CEP112: variants seen among roughly 807,000 people sequenced by gnomAD.
CEP112 encodes centrosomal protein 112.
Under a neutral mutation model 153.0 loss-of-function variants are expected in CEP112, and 127 were observed. That is an observed-to-expected ratio of 0.83 (90% CI 0.72 to 0.96). The LOEUF (loss-of-function observed/expected upper bound fraction) is 0.96, where lower values mean the gene tolerates loss of function less well. Ranked by LOEUF, CEP112 falls within the 40% of genes least tolerant of loss-of-function variation. The pLI is 0.00. For missense variants in CEP112, 1,089 were observed against 1,101.2 expected, an observed-to-expected ratio of 0.99 and a Z score of 0.16; for synonymous variants, 358 against 374.4, an observed-to-expected ratio of 0.96 and a Z score of 0.51.
chr17:65,655,809 A>G (rs2046036521), intron 24 of CEP112, among the ~76,000 whole-genome samples: 1 of 152,344 alleles, frequency 6.6e-6, no homozygotes, highest in South Asian at 2.1e-4. Flanking sequence ...ACATGTGAAT[A>G]TTAAAATTTT....
At position 65,689,159 on chromosome 17, in the gene CEP112, T is replaced by C. The variant is rs767631044; in HGVS notation, c.2667A>G (p.Leu889=). 1.2e-6 allele frequency: 2 copies of C among 1,613,422 alleles called. No homozygotes were observed. The highest frequency in any genetic ancestry group is 1.7e-6 in the Non-Finnish European group (2 of 1,179,344). The change falls in exon 24 of 27, where the codon TTA becomes TTG. Residue 889 remains leucine (L), a synonymous_variant. Transcript: ENST00000535342. The part of the protein sequence containing the change: ...SNQVRCAEKK[L]QHKELESQEQ... Reference sequence around the variant, plus strand: ...CCTGTGACTCCAATTCTTTGTGTTGTAATTTTTTCTCTGCACATCGCACCT... The same window carrying C: ...CCTGTGACTCCAATTCTTTGTGTTGCAATTTTTTCTCTGCACATCGCACCT...
intron 21 of CEP112, among the ~76,000 whole-genome samples, chr17:65,838,565 TAAAC>T (rs1220550179): frequency 2.0e-5 from 3 of 152,016 alleles, no homozygotes; most frequent in Middle Eastern, 3.4e-3. Flanking sequence ...AGCCATCAAA[TAAAC>T]AATCTAACAC....
intron 19 of CEP112, among the ~76,000 whole-genome samples, chr17:65,923,117 G>A (rs976038946): frequency 2.6e-5 from 4 of 151,862 alleles, no homozygotes; most frequent in Non-Finnish European, 4.4e-5. Flanking sequence ...CATATTAATC[G>A]GAAATTAACT....
intron 18 of CEP112, among the ~76,000 whole-genome samples, chr17:65,960,298 A>C (rs940749060): frequency 1.1e-4 from 16 of 152,200 alleles, no homozygotes; most frequent in African/African-American, 3.9e-4. Context: ...ATTAGATATA[A>C]AAGGGCAAAC....
At chr17:65,868,803 C>T (rs1046138073) in intron 20 of CEP112, among the ~76,000 whole-genome samples, 2 of 152,094 alleles carry the variant, frequency 1.3e-5, no homozygotes, top group African/African-American at 2.4e-5. Flanking sequence ...TTTTACTATA[C>T]AATTATACAA....
chr17:66,053,993 C>T (rs1329189253), intron 11 of CEP112, 114 bp from the exon 12 acceptor site: 2 of 670,906 alleles, frequency 3.0e-6, no homozygotes, highest in South Asian at 3.8e-5. Context: ...ATGACCTGAA[C>T]ACCAAAAGAT....
At chr17:66,068,139 A>G (rs896324137) in intron 9 of CEP112, among the ~76,000 whole-genome samples, 8 of 152,218 alleles carry the variant, frequency 5.3e-5, no homozygotes, top group Non-Finnish European at 1.2e-4. Context: ...AAATACATCT[A>G]TACTCACAAA....
intron 18 of CEP112, among the ~76,000 whole-genome samples, chr17:65,943,428 T>G (rs80200495): frequency 6.6e-6 from 1 of 152,196 alleles, no homozygotes; most frequent in Non-Finnish European, 1.5e-5. Flanking sequence ...GCCTAACATA[T>G]CTATTTGTCT....
At chr17:65,893,851 A>G (rs1409857777) in intron 20 of CEP112, among the ~76,000 whole-genome samples, 2 of 152,090 alleles carry the variant, frequency 1.3e-5, no homozygotes, top group Non-Finnish European at 2.9e-5. Context: ...CATGATTCCA[A>G]TTAGTCCTGA....
At chr17:66,156,212 G>A (rs2071433214) in intron 4 of CEP112, among the ~76,000 whole-genome samples, 1 of 152,158 alleles carries the variant, frequency 6.6e-6, no homozygotes, top group Non-Finnish European at 1.5e-5. Context: ...TTGCTGTTCT[G>A]CAGCCTCCAC....
chr17:66,116,053 A>G (rs570833686), intron 6 of CEP112, among the ~76,000 whole-genome samples: 1 of 152,340 alleles, frequency 6.6e-6, no homozygotes, highest in South Asian at 2.1e-4. Context: ...AGAACAGAGG[A>G]AGAAAATTTT....
chr17:66,184,211 A>T (rs2072835858), intron 1 of CEP112, among the ~76,000 whole-genome samples: 2 of 152,170 alleles, frequency 1.3e-5, no homozygotes, highest in South Asian at 4.1e-4. Context: ...GTGGGCCATG[A>T]TCGCACCACT....
chr17:65,660,721 T>C (rs1298178703), intron 24 of CEP112, among the ~76,000 whole-genome samples: 2 of 16,856 alleles, frequency 1.2e-4, no homozygotes, highest in Non-Finnish European at 1.6e-4. Flanking sequence ...ATTTTTGTAT[T>C]TTTTTTTGTA....
chr17:65,869,508 A>C (rs1435890448), intron 20 of CEP112, among the ~76,000 whole-genome samples: 1 of 152,182 alleles, frequency 6.6e-6, no homozygotes, highest in Non-Finnish European at 1.5e-5. Context: ...CTTTGTTCAC[A>C]ATGACACTAG....
chr17:66,177,800 A>G (rs9897462), intron 2 of CEP112, among the ~76,000 whole-genome samples: 43,519 of 151,990 alleles, frequency 0.29, 6,448 homozygotes, highest in Non-Finnish European at 0.32. Flanking sequence ...ACAAATTAGT[A>G]AGAATATATG....
intron 6 of CEP112, among the ~76,000 whole-genome samples, chr17:66,126,141 T>C (rs2069839552): frequency 6.6e-6 from 1 of 152,190 alleles, no homozygotes; most frequent in Non-Finnish European, 1.5e-5. Context: ...ATGCCTCACT[T>C]ATCAAAGAAA....
chr17:65,875,976 C>T (rs1464740738), intron 20 of CEP112, among the ~76,000 whole-genome samples: 4 of 152,090 alleles, frequency 2.6e-5, no homozygotes, highest in African/African-American at 9.7e-5. Context: ...TTTGTTTCTC[C>T]TGAGGCTTCT....
chr17:65,705,887 T>C (rs1372360364), intron 23 of CEP112, among the ~76,000 whole-genome samples: 1 of 152,176 alleles, frequency 6.6e-6, no homozygotes, highest in Non-Finnish European at 1.5e-5. Context: ...GTCTTAGGTA[T>C]GACAATGGCA....
At chr17:65,886,772 C>A (rs895593137) in intron 20 of CEP112, among the ~76,000 whole-genome samples, 1 of 152,086 alleles carries the variant, frequency 6.6e-6, no homozygotes, top group Non-Finnish European at 1.5e-5. Flanking sequence ...CATGTCAAAC[C>A]AAATTAATGT....
Sources: gnomAD v4.1 joint callset for allele counts (sites outside exome capture counted in the v4.1 genomes callset) on GRCh38, gnomAD v4.1.1 for gene constraint, MANE v1.5 for transcripts, NCBI Gene and HGNC (gene_info 2026-07-23, HGNC 2026-07-21) for gene names.